FAM20C: variants seen among roughly 807,000 people sequenced by gnomAD.
FAM20C encodes extracellular serine/threonine protein kinase FAM20C.
A neutral mutation model predicts 51.5 loss-of-function variants in FAM20C; 40 were observed. That is an observed-to-expected ratio of 0.78 (90% CI 0.60 to 1.01). The LOEUF is 1.01. FAM20C is among the 50% of genes least tolerant of loss of function. FAM20C has a pLI of 0.00. For missense variants in FAM20C, 861 were observed against 844.7 expected, an observed-to-expected ratio of 1.02 and a Z score of -0.24; for synonymous variants, 406 against 380.6, an observed-to-expected ratio of 1.07 and a Z score of -0.78.
intron 9 of FAM20C, among the ~76,000 whole-genome samples, chr7:259,446 G>C (rs1788779752): frequency 3.1e-5 from 4 of 129,900 alleles, no homozygotes. Context: ...CTCTATCTGT[G>C]TCTGTCTCTG....
intron 3 of FAM20C, among the ~76,000 whole-genome samples, chr7:218,785 C>G (rs765248772): frequency 3.9e-5 from 6 of 152,002 alleles, no homozygotes; most frequent in African/African-American, 1.4e-4. Flanking sequence ...CACTCCCGTC[C>G]GGCCGGGAGC....
At chr7:226,065 G>A (rs1787432069) in intron 3 of FAM20C, among the ~76,000 whole-genome samples, 1 of 152,234 alleles carries the variant, frequency 6.6e-6, no homozygotes, top group African/African-American at 2.4e-5. Context: ...GATGGGAGAA[G>A]AAGCAGGGGT....
Position 260,372 on chromosome 7 carries a change from C to G in FAM20C, c.*392C>G, listed in dbSNP as rs1788831983. Reference sequence around the variant, plus strand: ...GGACCGCCCTCCCTGGTTCTGGGGGCCCCTCAAGGCCAAGCTCACCCCTCA... The same window carrying G: ...GGACCGCCCTCCCTGGTTCTGGGGGGCCCTCAAGGCCAAGCTCACCCCTCA... On this transcript the variant is annotated 3_prime_UTR_variant, in exon 10 of 10. Coordinates refer to ENST00000313766, the MANE Select transcript of FAM20C (RefSeq NM_020223.4). The G allele has an allele frequency of 6.2e-6, 1 of 161,522 alleles. No individual in the cohort carries two copies. Among genetic ancestry groups the G allele is most frequent in the Non-Finnish European group, 1.3e-5 (1 of 74,454 alleles). The allele number at this position is 161,522 out of a possible 1,614,324, so 10.0% of individuals were successfully genotyped here.
At chr7:249,474 C>A (rs1562394974) in intron 5 of FAM20C, among the ~76,000 whole-genome samples, 1 of 152,258 alleles carries the variant, frequency 6.6e-6, no homozygotes, top group Non-Finnish European at 1.5e-5. Flanking sequence ...GGCGTGGTGG[C>A]TCACGCCTGT....
rs563200280 is a variant in FAM20C at position 213,318 on chromosome 7, T to C, written c.863+4342T>C. Among the ~76,000 whole-genome samples the C allele has an allele frequency of 2.9e-3, 449 of 152,256 alleles. 1 individual carries two copies. The highest frequency in any genetic ancestry group is 4.4e-3 in the Non-Finnish European group (296 of 68,008). On this transcript the variant is annotated intron_variant, in intron 3 of 9. Coordinates refer to ENST00000313766, the MANE Select transcript of FAM20C (RefSeq NM_020223.4). ...CCTGCAGTGTGTGGTCCTTTGTGAG[T>C]GACACGTTTCCAAGGCTCTGGAGTC... is the stretch of plus-strand genomic sequence containing the variant.
chr7:232,473 G>A (rs942148136), intron 3 of FAM20C, among the ~76,000 whole-genome samples: 21 of 152,222 alleles, frequency 1.4e-4, no homozygotes, highest in Admixed American at 9.2e-4. Flanking sequence ...TAGAGCAGGG[G>A]GTCCCGAAGG....
At chr7:194,814 G>T (rs779488927) in intron 1 of FAM20C, among the ~76,000 whole-genome samples, 2 of 150,916 alleles carry the variant, frequency 1.3e-5, no homozygotes, top group African/African-American at 4.9e-5. Flanking sequence ...ACAGAGCTTC[G>T]GCAGAAAGCA....
At chr7:246,167 G>A (rs1005597754) in intron 3 of FAM20C, 1 of 469,416 alleles carries the variant, frequency 2.1e-6, no homozygotes, top group Non-Finnish European at 3.9e-6. Flanking sequence ...GCTGCTCTGA[G>A]GGCCCGTCGG....
At chr7:219,036 G>A (rs1787131241) in intron 3 of FAM20C, among the ~76,000 whole-genome samples, 1 of 152,210 alleles carries the variant, frequency 6.6e-6, no homozygotes, top group Non-Finnish European at 1.5e-5. Context: ...AGGACATAAA[G>A]TGAGGGTTCC....
At chr7:214,850 C>T (rs934647641) in intron 3 of FAM20C, among the ~76,000 whole-genome samples, 5 of 152,146 alleles carry the variant, frequency 3.3e-5, no homozygotes, top group Non-Finnish European at 7.3e-5. Flanking sequence ...TCCAGGCATG[C>T]GGCGGCTGCC....
intron 6 of FAM20C, 167 bp downstream of exon 6, chr7:256,196 C>A: frequency 2.3e-6 from 2 of 860,850 alleles, no homozygotes; most frequent in Non-Finnish European, 3.5e-6. Flanking sequence ...GAGACGGTGG[C>A]AGAGGGCGTC....
intron 2 of FAM20C, among the ~76,000 whole-genome samples, chr7:202,789 G>T (rs1204837053): frequency 2.0e-5 from 3 of 151,928 alleles, no homozygotes; most frequent in African/African-American, 7.3e-5. Flanking sequence ...ATGGGTGGCT[G>T]CTGGGTGGGA....
rs112056630 is a variant in FAM20C at position 204,156 on chromosome 7, G to T, written c.785-4742G>T. 4.0e-5 allele frequency among the ~76,000 whole-genome samples: 6 copies of T among 149,410 alleles called. No homozygotes were observed. The East Asian group carries it at 1.3e-3, about 31-fold the overall frequency. Reference sequence around the variant, plus strand: ...GTATTCAGAAGAAAATGGTTATGGCGTCTAAGTTTTTAATAGGCTGCTTTG... The same window carrying T: ...GTATTCAGAAGAAAATGGTTATGGCTTCTAAGTTTTTAATAGGCTGCTTTG... On this transcript the variant is annotated intron_variant, in intron 2 of 9. Coordinates refer to ENST00000313766, the MANE Select transcript of FAM20C (RefSeq NM_020223.4).
chr7:207,661 G>A (rs1786492455), intron 2 of FAM20C, among the ~76,000 whole-genome samples: 1 of 152,250 alleles, frequency 6.6e-6, no homozygotes, highest in South Asian at 2.1e-4. Context: ...GGCCCGTGAT[G>A]TTGACGTGTG....
rs28470314 is a variant in FAM20C, at chr7:204,431, C to G, written c.785-4467C>G. On this transcript the variant is annotated intron_variant, in intron 2 of 9. Coordinates refer to ENST00000313766, the MANE Select transcript of FAM20C (RefSeq NM_020223.4). ...TGGTCCAGGGCACTGAGCCCAGCCC[C>G]AGTCTTGACCATGGCCTGTCAAACG... Among the ~76,000 whole-genome samples, 886 of 152,360 alleles carry G rather than the reference C, an allele frequency of 5.8e-3. 9 individuals carry two copies. The highest frequency in any genetic ancestry group is 0.02 in the African/African-American group (852 of 41,576).
At chr7:200,059 T>C (rs1435121550) in intron 2 of FAM20C, among the ~76,000 whole-genome samples, 1 of 152,228 alleles carries the variant, frequency 6.6e-6, no homozygotes, top group Non-Finnish European at 1.5e-5. Flanking sequence ...AATCCAGGAC[T>C]AACCAGCGGG....
intron 3 of FAM20C, 37 bp from the exon 4 acceptor site, chr7:246,378 G>T (rs763817780): frequency 5.3e-6 from 8 of 1,519,020 alleles, no homozygotes; most frequent in Non-Finnish European, 7.1e-6. Context: ...GGCTTTCTCA[G>T]TGACAAACCG....
chr7:216,881 C>T (rs1286125499), intron 3 of FAM20C, among the ~76,000 whole-genome samples: 1 of 152,118 alleles, frequency 6.6e-6, no homozygotes, highest in African/African-American at 2.4e-5. Context: ...TCCTTCCGGG[C>T]TCTGACAACA....
intron 3 of FAM20C, among the ~76,000 whole-genome samples, chr7:209,664 C>T (rs2115068088): frequency 6.6e-6 from 1 of 152,350 alleles, no homozygotes; most frequent in African/African-American, 2.4e-5. Flanking sequence ...TGGGTGGGGT[C>T]TGTGGCAGGC....
Sources: allele counts gnomAD v4.1 joint callset (sites outside exome capture counted in the v4.1 genomes callset), GRCh38; gene constraint gnomAD v4.1.1; transcripts MANE v1.5; gene names NCBI Gene and HGNC (gene_info 2026-07-23, HGNC 2026-07-21).